The following STON2 variants were observed in gnomAD, a reference collection of about 807,000 sequenced individuals.
STON2 encodes stonin 2.
Under a neutral mutation model 65.7 loss-of-function variants are expected in STON2, and 29 were observed. That is an observed-to-expected ratio of 0.44 (90% confidence interval 0.33 to 0.60). The LOEUF (loss-of-function observed/expected upper bound fraction) is 0.60. Among genes scored for constraint, STON2 ranks in the 20% least tolerant of loss-of-function variants. The probability of loss-of-function intolerance (pLI) is 0.03; values close to 1 mark genes in which losing one functional copy is unlikely to be tolerated. For missense variants in STON2, 1,054 were observed against 1,118.1 expected (o/e 0.94, Z 0.82); for synonymous variants, 404 against 414.2 (o/e 0.98, Z 0.30).
chr14:81,285,179 A>C (rs1323995073), intron 5 of STON2, among the ~76,000 whole-genome samples: 1 of 152,228 alleles, frequency 6.6e-6, no homozygotes. Flanking sequence ...TTATTTAAGA[A>C]ATACATTTTG....
At chr14:81,281,672 GAA>G (rs1895127614) in intron 5 of STON2, among the ~76,000 whole-genome samples, 1 of 151,992 alleles carries the variant, frequency 6.6e-6, no homozygotes, top group South Asian at 2.1e-4. Context: ...AGCCAAAAAT[GAA>G]AAGAGAAAAA....
chr14:81,363,645 C>G (rs949467314), intron 4 of STON2, among the ~76,000 whole-genome samples: 1 of 151,968 alleles, frequency 6.6e-6, no homozygotes, highest in Admixed American at 6.6e-5. Flanking sequence ...AACTGCTCTG[C>G]TATTCTTCCA....
At chr14:81,295,703 T>C (rs756456107) in intron 5 of STON2, among the ~76,000 whole-genome samples, 6 of 152,240 alleles carry the variant, frequency 3.9e-5, no homozygotes, top group South Asian at 4.1e-4. Context: ...TTAAGGCACA[T>C]TGAATCTAAG....
chr14:81,422,975 C>A (rs1177430411), intron 2 of STON2, among the ~76,000 whole-genome samples: 4 of 151,166 alleles, frequency 2.6e-5, no homozygotes, highest in African/African-American at 4.9e-5. Context: ...GCGGAGGTTG[C>A]AGTGAGCCAA....
intron 3 of STON2, among the ~76,000 whole-genome samples, chr14:81,379,287 GTATGAAGCA>G (rs201853638): frequency 0.013 from 2,023 of 152,192 alleles, 52 homozygotes; most frequent in African/African-American, 0.046. Context: ...GCAACAATAA[GTATGAAGCA>G]TATGTAGTAT....
intron 2 of STON2, chr14:81,413,185 C>T: frequency 6.5e-7 from 1 of 1,530,972 alleles, no homozygotes; most frequent in Non-Finnish European, 8.8e-7. Context: ...AAACCAAACA[C>T]TTCATCTACT....
chr14:81,301,135 A>T (rs2140183046), intron 5 of STON2, among the ~76,000 whole-genome samples: 1 of 152,282 alleles, frequency 6.6e-6, no homozygotes, highest in East Asian at 1.9e-4. Flanking sequence ...CCCCATAAGG[A>T]AGATATTTTT....
At chr14:81,329,404 G>A (rs61978918) in intron 4 of STON2, among the ~76,000 whole-genome samples, 2 of 150,260 alleles carry the variant, frequency 1.3e-5, no homozygotes, top group Non-Finnish European at 3.0e-5. Context: ...GCAGTGAGCC[G>A]AGATCGTGCC....
rs192884524 is a variant in STON2 at position 81,425,717 on chromosome 14, T to C, written c.-199+1385A>G. Among the ~76,000 whole-genome samples, 177 of 152,352 alleles carry C rather than the reference T, an allele frequency of 1.2e-3. 1 individual carries two copies. Among genetic ancestry groups the C allele is most frequent in the African/African-American group, 4.2e-3 (173 of 41,592 alleles). ...TCATCCAGTGGTATCTCTTTTGTTC[T>C]GTGTTTCAGTTTTCATATCTCTGAA... On this transcript the variant is annotated intron_variant, in intron 2 of 8. Coordinates refer to the STON2 transcript ENST00000553821.
intron 4 of STON2, among the ~76,000 whole-genome samples, chr14:81,363,703 C>T (rs897770503): frequency 2.0e-5 from 3 of 152,014 alleles, no homozygotes; most frequent in Admixed American, 6.5e-5. Flanking sequence ...GTATCTCTGA[C>T]GTTTGTAACT....
intron 3 of STON2, among the ~76,000 whole-genome samples, chr14:81,382,919 C>T (rs1566936395): frequency 6.6e-6 from 1 of 152,168 alleles, no homozygotes; most frequent in African/African-American, 2.4e-5. Flanking sequence ...CTCTAATACA[C>T]TTTGTTTATT....
intron 3 of STON2, among the ~76,000 whole-genome samples, chr14:81,380,614 C>G (rs1899467774): frequency 6.6e-6 from 1 of 152,060 alleles, no homozygotes; most frequent in South Asian, 2.1e-4. Flanking sequence ...AAATGTGGAA[C>G]ATATACACGA....
At chr14:81,301,080 C>T (rs1895951413) in intron 5 of STON2, among the ~76,000 whole-genome samples, 1 of 152,006 alleles carries the variant, frequency 6.6e-6, no homozygotes, top group African/African-American at 2.4e-5. Flanking sequence ...TACTATTGCA[C>T]CATCATTTCT....
chr14:81,418,674 G>T (rs1595465906), intron 2 of STON2, among the ~76,000 whole-genome samples: 1 of 152,226 alleles, frequency 6.6e-6, no homozygotes, highest in Non-Finnish European at 1.5e-5. Context: ...TAAGGGGCAA[G>T]AGGCTAGTTC....
intron 4 of STON2, chr14:81,333,164 CA>C: frequency 1.5e-6 from 2 of 1,332,936 alleles, no homozygotes; most frequent in Non-Finnish European, 1.1e-6. Flanking sequence ...TTGCCACCAC[CA>C]AAATGAGTTC....
In STON2 at chr14:81,265,406, G is replaced by A; in HGVS notation, c.*3008C>T. ...ATGGTGGCTCACGCCTGTAATCCCA[G>A]AGCTTTGGGAGACTGAGGCAGGCTT... is the stretch of plus-strand genomic sequence containing the variant. On this transcript the variant is annotated 3_prime_UTR_variant, in exon 8 of 8. Coordinates refer to ENST00000614646, the MANE Select transcript of STON2 (RefSeq NM_001394390.1). 3 of 927,552 alleles carry A rather than the reference G, an allele frequency of 3.2e-6. No homozygotes were observed. Among genetic ancestry groups the A allele is most frequent in the Non-Finnish European group, 3.9e-6 (3 of 777,510 alleles). 57.5% of individuals were successfully genotyped at this position (927,552 alleles called of 1,614,324 possible).
In STON2 at chr14:81,268,152, CA is replaced by C; in HGVS notation, c.*261del. 1 of 1,094,990 alleles carries C rather than the reference CA, an allele frequency of 9.1e-7. No individual in the cohort carries two copies. The highest frequency in any genetic ancestry group is 1.1e-6 in the Non-Finnish European group (1 of 894,564). 67.8% of individuals were successfully genotyped at this position (1,094,990 alleles called of 1,614,324 possible). ...GACAAGACAAGGAGGCTTAATTATA[CA>C]GTAAGCTCCAACAGTCAGGTGAACC... On this transcript the variant is annotated 3_prime_UTR_variant, in exon 8 of 8. Transcript: ENST00000614646.
chr14:81,353,255 T>C (rs564197563), intron 4 of STON2, among the ~76,000 whole-genome samples: 1 of 152,358 alleles, frequency 6.6e-6, no homozygotes, highest in South Asian at 2.1e-4. Flanking sequence ...GTGTTCTCTT[T>C]TAATTCTTAC....
chr14:81,347,890 C>T (rs1308533493), intron 4 of STON2, among the ~76,000 whole-genome samples: 1 of 123,134 alleles, frequency 8.1e-6, no homozygotes, highest in African/African-American at 3.0e-5. Flanking sequence ...AGAGTAGGAC[C>T]CTGTCTCTTA....
Sources: allele counts gnomAD v4.1 joint callset (sites outside exome capture counted in the v4.1 genomes callset), GRCh38; gene constraint gnomAD v4.1.1; transcripts MANE v1.5; gene names NCBI Gene and HGNC (gene_info 2026-07-23, HGNC 2026-07-21).